The following ANKRD44 variants were observed in gnomAD, a reference collection of about 807,000 sequenced individuals.
ANKRD44 encodes the protein serine/threonine-protein phosphatase 6 regulatory ankyrin repeat subunit B.
A neutral mutation model predicts 116.0 loss-of-function variants in ANKRD44; 35 were observed. The observed-to-expected ratio is 0.30, with a 90% CI of 0.23 to 0.40. ANKRD44 has a LOEUF of 0.40. ANKRD44 is among the 10% of genes least tolerant of loss of function. The pLI is 1.00. For synonymous variants in ANKRD44, 435 were observed against 461.8 expected (o/e 0.94, Z 0.74); for missense variants, 1,014 against 1,242.6 (o/e 0.82, Z 2.77).
At chr2:197,063,339 C>A (rs62279191) in intron 16 of ANKRD44, among the ~76,000 whole-genome samples, 3 of 151,988 alleles carry the variant, frequency 2.0e-5, no homozygotes, top group Non-Finnish European at 4.4e-5. Context: ...TAGATAAAAC[C>A]ACAAAGATGG....
intron 1 of ANKRD44, among the ~76,000 whole-genome samples, chr2:197,287,361 C>A (rs183967464): frequency 1.4e-3 from 206 of 152,254 alleles, no homozygotes; most frequent in Non-Finnish European, 2.1e-3. Flanking sequence ...GAGATTAATT[C>A]TCCTGCAGCC....
intron 17 of ANKRD44, among the ~76,000 whole-genome samples, chr2:197,016,209 C>T (rs1208630491): frequency 2.0e-5 from 3 of 152,130 alleles, no homozygotes; most frequent in Non-Finnish European, 4.4e-5. Flanking sequence ...ACTGTCACAG[C>T]CACCGTTTGC....
chr2:197,017,473 A>C (rs943624142), intron 17 of ANKRD44, among the ~76,000 whole-genome samples: 23 of 152,368 alleles, frequency 1.5e-4, no homozygotes, highest in African/African-American at 5.5e-4. Context: ...AGGAATTAAG[A>C]GTACAGATAC....
chr2:197,295,185 T>C (rs1161858428), intron 1 of ANKRD44, among the ~76,000 whole-genome samples: 1 of 152,214 alleles, frequency 6.6e-6, no homozygotes, highest in Admixed American at 6.5e-5. Context: ...TAAATCTAGA[T>C]CAAAGTGCAA....
At chr2:197,238,759 C>T (rs2082027775) in intron 1 of ANKRD44, among the ~76,000 whole-genome samples, 1 of 151,752 alleles carries the variant, frequency 6.6e-6, no homozygotes, top group South Asian at 2.1e-4. Flanking sequence ...GGCTGAAGTG[C>T]AGTGGTACGA....
chr2:197,273,981 AT>A (rs1253089881), intron 1 of ANKRD44, among the ~76,000 whole-genome samples: 11,003 of 23,340 alleles, frequency 0.47, 3,358 homozygotes, highest in East Asian at 0.61. Flanking sequence ...AAAAAAAAAA[AT>A]ATATATATAT....
In ANKRD44 at chr2:196,988,621, T is replaced by C. The variant is rs1574222672; in HGVS notation, c.*970A>G. ...CAGTTATCTGTCTTTGATCCAGATA[T>C]GATAGAACATTATTTTTGAAATATC... On this transcript the variant is annotated 3_prime_UTR_variant, in exon 28 of 28. Coordinates refer to ENST00000282272, the MANE Select transcript of ANKRD44 (RefSeq NM_001195144.2). 1.0e-6 allele frequency: 1 copy of C among 984,916 alleles called. No individual in the cohort carries two copies. The allele number at this position is 984,916 out of a possible 1,614,324, so 61.0% of individuals were successfully genotyped here.
chr2:197,089,965 T>C lies in ANKRD44; in HGVS notation c.1168A>G (p.Lys390Glu). 6.2e-7 allele frequency: 1 copy of C among 1,613,996 alleles called. No individual in the cohort carries two copies. Among genetic ancestry groups the C allele is most frequent in the Non-Finnish European group, 8.5e-7 (1 of 1,179,878 alleles). Residue 390 changes from lysine (K) to glutamate (E), a missense_variant, in exon 11 of 28, where the codon AAG becomes GAG. Coordinates refer to ENST00000282272, the MANE Select transcript of ANKRD44 (RefSeq NM_001195144.2). ...ALNAHSDCCRKLLSSGFEIDT... is the reference protein window; with the variant it reads ...ALNAHSDCCRELLSSGFEIDT... ...ATTTACTTACCCGATGATAACAACT[T>C]TCTGCAGCAGTCAGAGTGAGCATTT...
At chr2:197,136,755 T>C (rs1361700275) in intron 3 of ANKRD44, 93 bp from the exon 4 acceptor site, 23 of 1,046,084 alleles carry the variant, frequency 2.2e-5, no homozygotes, top group Non-Finnish European at 3.1e-5. Context: ...CCCATTTGCC[T>C]GACATAACCA....
chr2:197,100,223 T>C (rs1271614354), intron 9 of ANKRD44, among the ~76,000 whole-genome samples: 3 of 151,982 alleles, frequency 2.0e-5, no homozygotes, highest in African/African-American at 7.3e-5. Context: ...GATCACGAGG[T>C]CAGGAGTTTC....
At position 196,987,498 on chromosome 2, in the gene ANKRD44, T is replaced by A; in HGVS notation, c.*2093A>T. 1.0e-6 allele frequency: 1 copy of A among 985,354 alleles called. No homozygotes were observed. Among genetic ancestry groups the A allele is most frequent in the Non-Finnish European group, 1.2e-6 (1 of 829,862 alleles). 61.0% of individuals were successfully genotyped at this position (985,354 alleles called of 1,614,324 possible). ...CAACACAACATATAAGCACACCAAG[T>A]TGCTCAACAGTACAAAGAATAACTA... On this transcript the variant is annotated 3_prime_UTR_variant, in exon 28 of 28. Coordinates refer to ENST00000282272, the MANE Select transcript of ANKRD44 (RefSeq NM_001195144.2).
intron 2 of ANKRD44, among the ~76,000 whole-genome samples, chr2:197,174,007 T>C (rs1374015621): frequency 6.6e-6 from 1 of 152,184 alleles, no homozygotes; most frequent in Non-Finnish European, 1.5e-5. Context: ...CACTCCAGCC[T>C]GGGTGACAGA....
intron 16 of ANKRD44, among the ~76,000 whole-genome samples, chr2:197,066,578 C>A (rs1438884568): frequency 1.3e-5 from 2 of 152,194 alleles, no homozygotes; most frequent in East Asian, 1.9e-4. Context: ...AGCTGATAAG[C>A]AACTTCAGCA....
At chr2:197,015,054 A>G in intron 17 of ANKRD44, 1 of 242,002 alleles carries the variant, frequency 4.1e-6, no homozygotes, top group South Asian at 5.8e-5. Context: ...ACTTTAAGAG[A>G]ACATTTTGAG....
At chr2:197,259,939 G>C (rs551201727) in intron 1 of ANKRD44, among the ~76,000 whole-genome samples, 9 of 152,162 alleles carry the variant, frequency 5.9e-5, no homozygotes, top group African/African-American at 1.9e-4. Flanking sequence ...AAAAAAGAAA[G>C]AAAGAAAAGA....
At chr2:197,192,261 T>A (rs2080842330) in intron 1 of ANKRD44, among the ~76,000 whole-genome samples, 1 of 152,232 alleles carries the variant, frequency 6.6e-6, no homozygotes, top group African/African-American at 2.4e-5. Flanking sequence ...GTAACTACAG[T>A]CAATGGTAAT....
intron 7 of ANKRD44, 149 bp from the exon 8 acceptor site, chr2:197,121,693 A>G: frequency 1.4e-6 from 1 of 717,280 alleles, no homozygotes; most frequent in South Asian, 1.8e-5. Flanking sequence ...CAGTGTGGTC[A>G]TCTTGGGAAT....
chr2:197,099,178 T>C (rs1169066724), intron 10 of ANKRD44, among the ~76,000 whole-genome samples: 2 of 152,122 alleles, frequency 1.3e-5, no homozygotes, highest in South Asian at 2.1e-4. Flanking sequence ...TGACACAGAT[T>C]GTCTACACCA....
intron 2 of ANKRD44, among the ~76,000 whole-genome samples, chr2:197,186,621 T>TTTTTTTTC (rs2080675113): frequency 4.9e-5 from 4 of 81,812 alleles, no homozygotes; most frequent in Non-Finnish European, 8.2e-5. Context: ...TCTTTTTTTT[T>TTTTTTTTC]TTTTTTTTTT....
Sources: gnomAD v4.1 joint callset for allele counts (sites outside exome capture counted in the v4.1 genomes callset) on GRCh38, gnomAD v4.1.1 for gene constraint, MANE v1.5 for transcripts, NCBI Gene and HGNC (gene_info 2026-07-23, HGNC 2026-07-21) for gene names.